Variants in CHRNB4 observed in about 807,000 individuals in gnomAD.
The protein encoded by CHRNB4 is cholinergic receptor nicotinic beta 4 subunit, also known as neuronal acetylcholine receptor subunit beta-4.
In CHRNB4, 23 loss-of-function variants were observed where a neutral mutation model predicts 40.4. The observed-to-expected ratio is 0.57, with a 90% CI of 0.41 to 0.81. CHRNB4 has a LOEUF of 0.81. CHRNB4 is among the 30% of genes least tolerant of loss of function. CHRNB4 has a pLI of 0.00. For missense variants in CHRNB4, 568 were observed against 670.6 expected, an observed-to-expected ratio of 0.85 and a Z score of 1.69; for synonymous variants, 285 against 274.4, an observed-to-expected ratio of 1.04 and a Z score of -0.38.
intron 1 of CHRNB4, among the ~76,000 whole-genome samples, chr15:78,659,113 A>G (rs1479281896): frequency 6.6e-6 from 1 of 152,170 alleles, no homozygotes; most frequent in African/African-American, 2.4e-5. Flanking sequence ...TGGGGGTGTA[A>G]GATGGGGAGA....
At chr15:78,649,207 G>T (rs2054151535) in intron 7 of CHRNB4, among the ~76,000 whole-genome samples, 1 of 152,044 alleles carries the variant, frequency 6.6e-6, no homozygotes, top group South Asian at 2.1e-4. Context: ...ATAATGTATT[G>T]TAAAGTCAAA....
Position 78,633,558 on chromosome 15 carries a change from C to T in CHRNB4, c.204+1881G>A, listed in dbSNP as rs556527753. 2.4e-4 allele frequency among the ~76,000 whole-genome samples: 37 copies of T among 152,258 alleles called. 1 individual carries two copies. Among genetic ancestry groups the T allele is most frequent in the African/African-American group, 8.4e-4 (35 of 41,530 alleles). On this transcript the variant is annotated intron_variant, in intron 2 of 5. Transcript: ENST00000261751. Reference sequence around the variant, plus strand: ...CTCATTTTGATTAGAATATTTAGGCCATTTACATTTAATGTAGTTACTGAT... The same window carrying T: ...CTCATTTTGATTAGAATATTTAGGCTATTTACATTTAATGTAGTTACTGAT...
chr15:78,653,921 A>G (rs547270431), intron 5 of CHRNB4, among the ~76,000 whole-genome samples: 11 of 152,244 alleles, frequency 7.2e-5, no homozygotes, highest in East Asian at 5.8e-4. Flanking sequence ...TGTCCAGAGC[A>G]CTTACCATCT....
chr15:78,635,738 A>G, intron 1 of CHRNB4, 151 bp from the exon 2 acceptor site: 1 of 951,874 alleles, frequency 1.1e-6, no homozygotes. Flanking sequence ...CTCCTTGAGG[A>G]CTTCAAATTA....
chr15:78,629,698 T>C lies in CHRNB4; in HGVS notation c.607A>G (p.Ile203Val). 6.2e-7 allele frequency: 1 copy of C among 1,614,166 alleles called. No homozygotes were observed. Among genetic ancestry groups the C allele is most frequent in the African/African-American group, 1.3e-5 (1 of 75,046 alleles). Reference sequence around the variant, plus strand: ...GTCCTTCTCCCTGGGAGGGCCACTATGTCCCACTCACCACTGGGAGTAAAG... The same window carrying C: ...GTCCTTCTCCCTGGGAGGGCCACTACGTCCCACTCACCACTGGGAGTAAAG... ...DDFTPSGEWD[I>V]VALPGRRTVN... Residue 203 changes from isoleucine (I) to valine (V), a missense_variant, in exon 5 of 6, where the codon ATA becomes GTA. Around this residue, in one of 4 missense-constraint regions of CHRNB4, gnomAD observed 127 missense variants for 167.4 expected, o/e 0.76. Coordinates refer to ENST00000261751, the MANE Select transcript of CHRNB4 (RefSeq NM_000750.5). This position sits in a 1 kb window ranked among gnomAD's most constrained non-coding sequence, Gnocchi z 6.8.
At chr15:78,648,523 A>G (rs2054145256) in intron 7 of CHRNB4, among the ~76,000 whole-genome samples, 2 of 151,886 alleles carry the variant, frequency 1.3e-5, no homozygotes, top group African/African-American at 4.8e-5. Context: ...TGGGAGGCCG[A>G]GGCGGATGGA....
intron 1 of CHRNB4, among the ~76,000 whole-genome samples, chr15:78,637,506 C>G (rs11072771): frequency 6.7e-5 from 10 of 150,196 alleles, no homozygotes; most frequent in Non-Finnish European, 7.4e-5. Flanking sequence ...GAGGTGGGGG[C>G]GGGCATGCTG....
chr15:78,638,815 C>T (rs1429356028), intron 1 of CHRNB4, among the ~76,000 whole-genome samples: 1 of 152,240 alleles, frequency 6.6e-6, no homozygotes. Flanking sequence ...CCTTTCACCC[C>T]CAGGTGGCAG....
At chr15:78,646,803 C>T (rs781549870) in intron 7 of CHRNB4, among the ~76,000 whole-genome samples, 1 of 152,164 alleles carries the variant, frequency 6.6e-6, no homozygotes, top group Non-Finnish European at 1.5e-5. Flanking sequence ...AGAGGGGACA[C>T]AAATATTCAA....
intron 4 of CHRNB4, 133 bp from the exon 5 acceptor site, chr15:78,630,078 A>T: frequency 1.0e-6 from 1 of 984,818 alleles, no homozygotes; most frequent in Non-Finnish European, 1.4e-6. Flanking sequence ...GCCCTCACTG[A>T]AAGGAGGGGT....
At chr15:78,625,962 C>G (rs976894757) in intron 5 of CHRNB4, 15 of 152,408 alleles carry the variant, frequency 9.8e-5, no homozygotes, top group African/African-American at 3.6e-4. Context: ...GGGGGAGAAC[C>G]TAGAGAAACG....
intron 2 of CHRNB4, among the ~76,000 whole-genome samples, chr15:78,633,519 G>A (rs966345059): frequency 1.3e-5 from 2 of 152,208 alleles, no homozygotes; most frequent in African/African-American, 4.8e-5. Context: ...GAAGAAGAAT[G>A]CATGGCAATT....
chr15:78,658,060 T>C (rs2054228682), intron 2 of CHRNB4, among the ~76,000 whole-genome samples: 1 of 120,354 alleles, frequency 8.3e-6, no homozygotes, highest in Non-Finnish European at 1.7e-5. Flanking sequence ...TGAGAAGGAG[T>C]CTCACTGTTG....
intron 2 of CHRNB4, chr15:78,634,697 T>TG (rs1176126523): frequency 8.8e-6 from 4 of 455,902 alleles, no homozygotes; most frequent in Admixed American, 2.4e-5. Flanking sequence ...TCTCCCCTTG[T>TG]GAATGTTCCC....
chr15:78,641,960 G>T (rs534374203), upstream of CHRNB4, among the ~76,000 whole-genome samples: 74 of 152,310 alleles, frequency 4.9e-4, no homozygotes, highest in African/African-American at 1.7e-3. Flanking sequence ...CCTCAATTCT[G>T]GATCTAGAAG....
chr15:78,631,008 G>A (rs1336873730), intron 4 of CHRNB4, 68 bp downstream of exon 4: 1 of 1,252,018 alleles, frequency 8.0e-7, no homozygotes, highest in African/African-American at 1.5e-5. Flanking sequence ...AGGCCTGGAT[G>A]ACTCTTAGGG....
At chr15:78,633,078 T>TC (rs1393775233) in intron 2 of CHRNB4, among the ~76,000 whole-genome samples, 1 of 152,208 alleles carries the variant, frequency 6.6e-6, no homozygotes, top group African/African-American at 2.4e-5. Context: ...CCTATGTCCC[T>TC]CTGTTCTGTC....
intron 2 of CHRNB4, among the ~76,000 whole-genome samples, chr15:78,634,216 G>A (rs1008427030): frequency 1.5e-4 from 23 of 152,230 alleles, no homozygotes; most frequent in Non-Finnish European, 2.2e-4. Context: ...TCTGGTAGCC[G>A]CTATCACCCT....
intron 7 of CHRNB4, among the ~76,000 whole-genome samples, chr15:78,647,580 C>T (rs908089187): frequency 6.6e-5 from 10 of 151,406 alleles, no homozygotes; most frequent in Non-Finnish European, 1.0e-4. Context: ...GGTGCAGTGG[C>T]TCACGCCTGT....
Sources: allele counts gnomAD v4.1 joint callset (sites outside exome capture counted in the v4.1 genomes callset), GRCh38; gene constraint gnomAD v4.1.1; regional missense constraint gnomAD v4.1.1; non-coding constraint Gnocchi (gnomAD v3.1); transcripts MANE v1.5; gene names NCBI Gene and HGNC (gene_info 2026-07-23, HGNC 2026-07-21).